Variants in MYO16 observed in about 807,000 individuals in gnomAD.
MYO16 encodes myosin XVI.
Under a neutral mutation model 205.3 loss-of-function variants are expected in MYO16, and 94 were observed. The observed-to-expected ratio is 0.46, with a 90% CI of 0.39 to 0.54. The LOEUF is 0.54. MYO16 is among the 20% of genes least tolerant of loss of function. MYO16 has a pLI of 0.00. For synonymous variants in MYO16, 988 were observed against 954.0 expected, an observed-to-expected ratio of 1.04 and a Z score of -0.66; for missense variants, 2,315 against 2,387.5, an observed-to-expected ratio of 0.97 and a Z score of 0.63.
chr13:108,657,964 T>C (rs1346355437), intron 1 of MYO16, among the ~76,000 whole-genome samples: 3 of 152,206 alleles, frequency 2.0e-5, no homozygotes, highest in Non-Finnish European at 2.9e-5. Flanking sequence ...AACTATACAT[T>C]CATGGGTTCA....
In MYO16 at chr13:108,842,194, T is replaced by C. The variant is rs369262147; in HGVS notation, c.1098-2149T>C. On this transcript the variant is annotated intron_variant, in intron 9 of 34. Coordinates refer to ENST00000457511, the MANE Select transcript of MYO16 (RefSeq NM_001198950.3). ...TGACACCAGAAGAAAAAAGCACAGA[T>C]GACAAAAGAAAAAATAAGTCAGTTA... Among the ~76,000 whole-genome samples, 77 of 151,908 alleles carry C rather than the reference T, an allele frequency of 5.1e-4. 1 individual carries two copies. Among genetic ancestry groups the C allele is most frequent in the African/African-American group, 1.7e-3 (71 of 41,446 alleles).
At chr13:108,930,766 C>A (rs1401996900) in intron 16 of MYO16, among the ~76,000 whole-genome samples, 2 of 151,740 alleles carry the variant, frequency 1.3e-5, no homozygotes, top group Non-Finnish European at 2.9e-5. Flanking sequence ...ACTATAAATA[C>A]CACTATTTGT....
chr13:108,906,317 AT>A (rs1880974713), intron 15 of MYO16, among the ~76,000 whole-genome samples: 2 of 152,184 alleles, frequency 1.3e-5, no homozygotes, highest in Non-Finnish European at 2.9e-5. Context: ...TGAAATTGAA[AT>A]TTACTAACAA....
upstream of MYO16, among the ~76,000 whole-genome samples, chr13:108,625,160 T>A (rs1037261912): frequency 6.6e-6 from 1 of 152,142 alleles, no homozygotes; most frequent in Non-Finnish European, 1.5e-5. Flanking sequence ...ATTGCCCACA[T>A]CTAACTTGAA....
intron 12 of MYO16, among the ~76,000 whole-genome samples, chr13:108,871,322 T>G (rs1309952997): frequency 1.5e-5 from 2 of 131,572 alleles, no homozygotes; most frequent in East Asian, 5.8e-4. Flanking sequence ...CTATGTGACT[T>G]TGTGTGTGTG....
At chr13:108,810,373 C>G (rs1887252227) in intron 7 of MYO16, among the ~76,000 whole-genome samples, 1 of 152,054 alleles carries the variant, frequency 6.6e-6, no homozygotes, top group Non-Finnish European at 1.5e-5. Flanking sequence ...GAATCAGGTG[C>G]AAAACTGGAA....
At chr13:108,960,467 AT>A (rs1353145339) in intron 17 of MYO16, among the ~76,000 whole-genome samples, 2 of 152,156 alleles carry the variant, frequency 1.3e-5, no homozygotes, top group African/African-American at 2.4e-5. Context: ...ATTAGAGATC[AT>A]TCTTTTCAAT....
chr13:108,541,610 T>G, the MYO16 span, among the ~76,000 whole-genome samples: 1 of 152,024 alleles, frequency 6.6e-6, no homozygotes, highest in East Asian at 1.9e-4. Flanking sequence ...TTCATTATAC[T>G]GAAAATTTAA....
At chr13:109,089,769 C>T (rs1888560954) in intron 27 of MYO16, among the ~76,000 whole-genome samples, 1 of 152,184 alleles carries the variant, frequency 6.6e-6, no homozygotes, top group African/African-American at 2.4e-5. Context: ...GATGTGGAAT[C>T]GTCTCATATC....
Position 108,989,373 on chromosome 13 carries a change from A to T in MYO16, c.2370-3003A>T, listed in dbSNP as rs893728196. 2.0e-5 allele frequency among the ~76,000 whole-genome samples: 3 copies of T among 152,190 alleles called. No individual in the cohort carries two copies. The South Asian group carries it at 6.2e-4, about 31-fold the overall frequency. On this transcript the variant is annotated intron_variant, in intron 20 of 34. Transcript: ENST00000457511. ...TAAAAATATATGTTTCAATATAGAA[A>T]CCTTAGAAAGTGGGGAATAGTTAAA...
intron 2 of MYO16, among the ~76,000 whole-genome samples, chr13:108,696,088 G>A (rs1284101073): frequency 2.6e-5 from 4 of 152,118 alleles, no homozygotes; most frequent in African/African-American, 7.2e-5. Flanking sequence ...ATCCATGGAC[G>A]ATAGCATTGC....
At chr13:109,111,413 G>T (rs1342608713) in intron 28 of MYO16, among the ~76,000 whole-genome samples, 1 of 152,090 alleles carries the variant, frequency 6.6e-6, no homozygotes, top group Non-Finnish European at 1.5e-5. Flanking sequence ...TTACATTGCT[G>T]GGCACTTTAA....
At chr13:108,933,078 CAGAATG>C (rs1486628639) in intron 16 of MYO16, among the ~76,000 whole-genome samples, 3 of 152,012 alleles carry the variant, frequency 2.0e-5, no homozygotes, top group Non-Finnish European at 4.4e-5. Context: ...GATGAATTTT[CAGAATG>C]AGAATGTTCT....
rs12584215 is a variant in MYO16, at chr13:108,681,664, G to A, written c.292+15515G>A. Among the ~76,000 whole-genome samples, 162 of 151,686 alleles carry A rather than the reference G, an allele frequency of 1.1e-3. 2 individuals are homozygous for A. In the East Asian group the frequency reaches 0.029, roughly 28 times the overall value. ...TTGTTATTACTCTGCTAGTAGTGCT[G>A]TTCCACAGCTATGGGGGTGGGGGTG... is the stretch of plus-strand genomic sequence containing the variant. On this transcript the variant is annotated intron_variant, in intron 2 of 34. Transcript: ENST00000457511.
chr13:108,614,494 G>A (rs942717958), intron 1 of MYO16, among the ~76,000 whole-genome samples: 5 of 151,918 alleles, frequency 3.3e-5, no homozygotes, highest in African/African-American at 1.2e-4. Context: ...ACACATAAAT[G>A]CAAGATATCC....
intron 1 of MYO16, among the ~76,000 whole-genome samples, chr13:108,665,025 T>C (rs529631931): frequency 1.3e-5 from 2 of 152,276 alleles, no homozygotes; most frequent in Admixed American, 1.3e-4. Context: ...ATGTCACTGA[T>C]GATGAGAAAA....
rs552754633 is a variant in MYO16 at position 108,638,197 on chromosome 13, G to T, written c.28+8325G>T. Among the ~76,000 whole-genome samples, 7 of 152,314 alleles carry T rather than the reference G, an allele frequency of 4.6e-5. No individual in the cohort carries two copies. In the East Asian group the frequency reaches 1.4e-3, roughly 29 times the overall value. On this transcript the variant is annotated intron_variant, in intron 1 of 34. Transcript: ENST00000457511. ...ACCTGTGGGAACAGTGTGCCACACA[G>T]AGGGAACAGCAAGTTCGAAGACCCT...
intron 12 of MYO16, among the ~76,000 whole-genome samples, chr13:108,881,089 G>C (rs1383015128): frequency 6.6e-6 from 1 of 152,172 alleles, no homozygotes; most frequent in Non-Finnish European, 1.5e-5. Flanking sequence ...CTGAGACGAA[G>C]CTTCCAGAGG....
chr13:109,141,102 G>A lies in MYO16; in HGVS notation c.4890G>A (p.Gly1630=), dbSNP rs371506708. 3.3e-6 allele frequency: 5 copies of A among 1,521,696 alleles called. No homozygotes were observed. The highest frequency in any genetic ancestry group is 4.4e-6 in the Non-Finnish European group (5 of 1,138,276). 94.3% of individuals were successfully genotyped at this position (1,521,696 alleles called of 1,614,324 possible). A position where few individuals can be genotyped will look rare whatever the true frequency, so the allele number is the denominator to read the frequency against. The part of the protein sequence containing the change: ...EPAPVNAGKA[G]PSAEAPKVHP... ...CCCCGGTGAACGCGGGGAAAGCGGG[G>A]CCGAGCGCAGAGGCGCCCAAGGTTC... The change falls in exon 32 of 35, where the codon GGG becomes GGA. Residue 1630 remains glycine (G), a synonymous_variant. Transcript: ENST00000457511. This position sits in a 1 kb window ranked among gnomAD's most constrained non-coding sequence, Gnocchi z 4.1.
Sources: gnomAD v4.1 joint callset for allele counts (sites outside exome capture counted in the v4.1 genomes callset) on GRCh38, gnomAD v4.1.1 for gene constraint, Gnocchi (gnomAD v3.1) non-coding constraint, MANE v1.5 for transcripts, NCBI Gene and HGNC (gene_info 2026-07-23, HGNC 2026-07-21) for gene names.